LRRC4B: variants seen among roughly 807,000 people sequenced by gnomAD.
LRRC4B encodes leucine rich repeat containing 4B.
LRRC4B carries 1 observed loss-of-function variant against 7.3 expected under a neutral mutation model. The observed-to-expected ratio is 0.14, with a 90% CI of 0.05 to 0.65. The LOEUF (loss-of-function observed/expected upper bound fraction) is 0.65, where lower values mean the gene tolerates loss of function less well. Ranked by LOEUF, LRRC4B falls within the 30% of genes least tolerant of loss-of-function variation. The probability of loss-of-function intolerance (pLI) is 0.84; values close to 1 mark genes in which losing one functional copy is unlikely to be tolerated. For synonymous variants in LRRC4B, 500 were observed against 499.2 expected (o/e 1.00, Z -0.02); for missense variants, 730 against 1,041.6 (o/e 0.70, Z 4.12).
In LRRC4B at chr19:50,518,006, G is replaced by A. The variant is rs376869686; in HGVS notation, c.1707C>T (p.Asp569=). The change falls in exon 3 of 3, where the codon GAC becomes GAT. Residue 569 remains aspartate, a synonymous_variant. Coordinates refer to ENST00000652263, the MANE Select transcript of LRRC4B (RefSeq NM_001080457.2). The part of the protein sequence containing the change: ...DVTENALKDL[D]DVMKTTKIII... ...TGATTTTGGTGGTCTTCATGACGTC[G>A]TCCAGGTCCTTGAGGGCGTTCTCCG... 2.6e-6 allele frequency: 4 copies of A among 1,544,786 alleles called. No homozygotes were observed. The African/African-American group carries it at 4.2e-5, about 16-fold the overall frequency.
intron 1 of LRRC4B, among the ~76,000 whole-genome samples, chr19:50,559,101 A>AT (rs1362046182): frequency 4.6e-5 from 7 of 152,168 alleles, no homozygotes; most frequent in Non-Finnish European, 8.8e-5. Context: ...AGGCTTTGAG[A>AT]TAAAAACTGA....
intron 1 of LRRC4B, among the ~76,000 whole-genome samples, chr19:50,561,859 G>C (rs1011168085): frequency 1.3e-5 from 2 of 152,114 alleles, no homozygotes; most frequent in African/African-American, 4.8e-5. Flanking sequence ...ACTTTGGGAG[G>C]CTGAGGCAGG....
At chr19:50,550,446 C>A (rs968418959) in intron 1 of LRRC4B, among the ~76,000 whole-genome samples, 1 of 74,250 alleles carries the variant, frequency 1.3e-5, no homozygotes, top group Non-Finnish European at 3.0e-5. Flanking sequence ...CACCCTCTCA[C>A]GGTGGACTCT....
rs188055646 is a variant in LRRC4B, at chr19:50,554,774, A to G, written c.-35-5901T>C. 2.6e-3 allele frequency among the ~76,000 whole-genome samples: 393 copies of G among 152,322 alleles called. 1 individual carries two copies. Among genetic ancestry groups the G allele is most frequent in the African/African-American group, 9.1e-3 (377 of 41,554 alleles). ...CTGAGAGAAGACTGCTATTACACCCAGTTCCCAGCTAGCAAAGCTGAGACA... is the reference window on the plus strand; with the variant it reads ...CTGAGAGAAGACTGCTATTACACCCGGTTCCCAGCTAGCAAAGCTGAGACA... On this transcript the variant is annotated intron_variant, in intron 1 of 2. Coordinates refer to ENST00000652263, the MANE Select transcript of LRRC4B (RefSeq NM_001080457.2).
chr19:50,548,867 TG>T lies in LRRC4B; in HGVS notation c.-30del. 1.1e-5 allele frequency: 5 copies of T among 453,202 alleles called. No homozygotes were observed. The highest frequency in any genetic ancestry group is 1.1e-5 in the Non-Finnish European group (4 of 362,552). The allele number at this position is 453,202 out of a possible 1,614,324, so 28.1% of individuals were successfully genotyped here. On this transcript the variant is annotated 5_prime_UTR_variant, in exon 2 of 3. It removes the in-frame stop codon of an upstream open reading frame in the 5' UTR. Transcript: ENST00000652263. This position sits in a 1 kb window ranked among gnomAD's most constrained non-coding sequence, Gnocchi z 6.8. ...CAATGTTCATGCTCCGCGTGGACGC[TG>T]GGGGGCTGTGGGTGGGGGAGAGAAG...
chr19:50,565,008 C>T (rs771467966), intron 1 of LRRC4B, among the ~76,000 whole-genome samples: 3 of 152,130 alleles, frequency 2.0e-5, no homozygotes, highest in Non-Finnish European at 2.9e-5. Context: ...CCCTCTGATA[C>T]CTGATGTCTT....
rs779572332 is a variant in LRRC4B at position 50,517,857 on chromosome 19, TTGA to T, written c.1853_1855del (p.Ile618del). The T allele has an allele frequency of 6.3e-7, 1 of 1,584,912 alleles. No individual in the cohort carries two copies. Among genetic ancestry groups the T allele is most frequent in the African/African-American group, 1.4e-5 (1 of 72,694 alleles). ...GGCGGCGGGCAGCTCGTCCTCCACGTTGATGATCTCCACGGTGCGCGTGGGCCC... is the reference window on the plus strand; with the variant it reads ...GGCGGCGGGCAGCTCGTCCTCCACGTTGATCTCCACGGTGCGCGTGGGCCC... On this transcript the variant is annotated inframe_deletion, in exon 3 of 3. Transcript: ENST00000652263. The surrounding 1 kb of genome is among the most constrained non-coding windows in gnomAD (Gnocchi z 6.6).
In LRRC4B at chr19:50,519,447, A is replaced by G; in HGVS notation, c.298-32T>C. Reference sequence around the variant, plus strand: ...AGAGGGAGACACGGATCAGTCACGGAGATACTGACGGGGACCGTGGGGGGA... The same window carrying G: ...AGAGGGAGACACGGATCAGTCACGGGGATACTGACGGGGACCGTGGGGGGA... On this transcript the variant is annotated intron_variant, in intron 2 of 2. Transcript: ENST00000652263. This position sits in a 1 kb window ranked among gnomAD's most constrained non-coding sequence, Gnocchi z 8.1. 2 of 1,529,814 alleles carry G rather than the reference A, an allele frequency of 1.3e-6. No homozygotes were observed. Among genetic ancestry groups the G allele is most frequent in the Non-Finnish European group, 1.8e-6 (2 of 1,142,712 alleles). 94.8% of individuals were successfully genotyped at this position (1,529,814 alleles called of 1,614,324 possible).
chr19:50,552,870 G>A (rs1199328384), intron 1 of LRRC4B, among the ~76,000 whole-genome samples: 1 of 152,148 alleles, frequency 6.6e-6, no homozygotes, highest in Non-Finnish European at 1.5e-5. Context: ...GACACCCATG[G>A]GCCACAAAAG....
chr19:50,526,517 G>A (rs534924120), intron 2 of LRRC4B, among the ~76,000 whole-genome samples: 2 of 152,116 alleles, frequency 1.3e-5, no homozygotes, highest in Non-Finnish European at 2.9e-5. Flanking sequence ...GGCGTCTTGC[G>A]CAATGAAGGA....
chr19:50,518,380 T>C lies in LRRC4B; in HGVS notation c.1333A>G (p.Thr445Ala), dbSNP rs1231212830. The C allele has an allele frequency of 1.9e-6, 3 of 1,589,450 alleles. No homozygotes were observed. The South Asian group carries it at 3.4e-5, about 18-fold the overall frequency. The change falls in exon 3 of 3, where the codon ACC (threonine) becomes GCC (alanine). Residue 445 changes from threonine to alanine, a missense_variant. Thr to Ala is a moderately conservative substitution (Grantham distance 58). Transcript: ENST00000652263. ...TCMVTNSAGN[T>A]TASATLNVSA... is the part of the protein sequence containing the mutation. Reference sequence around the variant, plus strand: ...ACGTTGAGCGTGGCCGAGGCGGTGGTGTTGCCGGCTGAGTTCGTCACCATG... The same window carrying C: ...ACGTTGAGCGTGGCCGAGGCGGTGGCGTTGCCGGCTGAGTTCGTCACCATG...
chr19:50,523,974 TGGAA>T (rs1980694758), intron 2 of LRRC4B, among the ~76,000 whole-genome samples: 2 of 149,852 alleles, frequency 1.3e-5, no homozygotes, highest in Non-Finnish European at 3.0e-5. Context: ...AAAAAAAAAC[TGGAA>T]GGACATACTC....
chr19:50,543,036 C>T (rs796414881), intron 2 of LRRC4B, among the ~76,000 whole-genome samples: 27 of 152,232 alleles, frequency 1.8e-4, no homozygotes, highest in African/African-American at 6.0e-4. Flanking sequence ...CACGGGAGGG[C>T]GTCGCAGGGA....
chr19:50,518,597 G>A lies in LRRC4B; in HGVS notation c.1116C>T (p.Asp372=). 6.3e-7 allele frequency: 1 copy of A among 1,598,988 alleles called. No individual in the cohort carries two copies. Among genetic ancestry groups the A allele is most frequent in the Non-Finnish European group, 8.5e-7 (1 of 1,170,462 alleles). ...CAGCCATGCCCTCGGTGACGTTGAGGTCCGTGGGCGGCTCCACGATGACGG... is the reference window on the plus strand; with the variant it reads ...CAGCCATGCCCTCGGTGACGTTGAGATCCGTGGGCGGCTCCACGATGACGG... ...YAPVIVEPPT[D]LNVTEGMAAE... is the part of the protein sequence containing the mutation. The change falls in exon 3 of 3, where the codon GAC becomes GAT. Residue 372 remains aspartate (D), a synonymous_variant. Coordinates refer to ENST00000652263, the MANE Select transcript of LRRC4B (RefSeq NM_001080457.2).
chr19:50,536,042 C>T (rs775540926), intron 2 of LRRC4B, among the ~76,000 whole-genome samples: 1 of 152,120 alleles, frequency 6.6e-6, no homozygotes, highest in Non-Finnish European at 1.5e-5. Flanking sequence ...GCCTACACCG[C>T]TTCCTGGGCA....
chr19:50,565,293 G>A lies in LRRC4B; in HGVS notation c.-36+2651C>T, dbSNP rs528521928. Among the ~76,000 whole-genome samples the A allele has an allele frequency of 1.9e-4, 29 of 152,362 alleles. 2 individuals carry two copies. In the East Asian group the frequency reaches 5.2e-3, roughly 27 times the overall value. ...TTGCCTTGTGTCTGTCCGTAGGCGTGAGGCCACGAGGCCACAGGACCACAA... is the reference window on the plus strand; with the variant it reads ...TTGCCTTGTGTCTGTCCGTAGGCGTAAGGCCACGAGGCCACAGGACCACAA... On this transcript the variant is annotated intron_variant, in intron 1 of 2. Transcript: ENST00000652263.
At chr19:50,542,741 T>G (rs1981606493) in intron 2 of LRRC4B, among the ~76,000 whole-genome samples, 1 of 152,098 alleles carries the variant, frequency 6.6e-6, no homozygotes, top group African/African-American at 2.4e-5. Flanking sequence ...CCTTCCAAAG[T>G]ACTGGGATTA....
In LRRC4B at chr19:50,548,474, T is replaced by A; in HGVS notation, c.297+68A>T. 6.5e-7 allele frequency: 1 copy of A among 1,533,744 alleles called. No individual in the cohort carries two copies. The highest frequency in any genetic ancestry group is 1.9e-5 in the Admixed American group (1 of 51,382). On this transcript the variant is annotated intron_variant, in intron 2 of 2. Coordinates refer to ENST00000652263, the MANE Select transcript of LRRC4B (RefSeq NM_001080457.2). The surrounding 1 kb of genome is among the most constrained non-coding windows in gnomAD (Gnocchi z 6.8). ...CCGGTGTGGGGAGGCCCAGAAGGGA[T>A]GGGCTACATCTGCATGCCTCCCCAG... is the stretch of plus-strand genomic sequence containing the variant.
chr19:50,530,302 CCTGCCTGGGCAT>C (rs1981000288), intron 2 of LRRC4B, among the ~76,000 whole-genome samples: 1 of 152,200 alleles, frequency 6.6e-6, no homozygotes, highest in African/African-American at 2.4e-5. Flanking sequence ...TATTGGAAGC[CCTGCCTGGGCAT>C]CTGCCTTTCT....
Sources: gnomAD v4.1 joint callset for allele counts (sites outside exome capture counted in the v4.1 genomes callset) on GRCh38, gnomAD v4.1.1 for gene constraint, Gnocchi (gnomAD v3.1) non-coding constraint, MANE v1.5 for transcripts, NCBI Gene and HGNC (gene_info 2026-07-23, HGNC 2026-07-21) for gene names.